The following PPP2R5C variants were observed in gnomAD, a reference collection of about 807,000 sequenced individuals.
The protein encoded by PPP2R5C is protein phosphatase 2 regulatory subunit B'gamma.
PPP2R5C carries 7 observed loss-of-function variants against 68.9 expected under a neutral mutation model. The ratio of observed to expected loss-of-function variants is 0.10; its 90% CI spans 0.06 to 0.19. The LOEUF is 0.19. Ranked by LOEUF, PPP2R5C falls within the 10% of genes least tolerant of loss-of-function variation. The pLI is 1.00. For synonymous variants in PPP2R5C, 210 were observed against 222.2 expected (o/e 0.95, Z 0.49); for missense variants, 348 against 641.3 (o/e 0.54, Z 4.94).
At chr14:101,787,436 G>A (rs996970138) in intron 3 of PPP2R5C, among the ~76,000 whole-genome samples, 2 of 151,962 alleles carry the variant, frequency 1.3e-5, no homozygotes, top group African/African-American at 4.8e-5. Flanking sequence ...GGATTTACGG[G>A]TGGATGAATT....
intron 8 of PPP2R5C, among the ~76,000 whole-genome samples, chr14:101,898,384 C>G (rs1171769114): frequency 5.3e-5 from 8 of 152,310 alleles, no homozygotes; most frequent in Admixed American, 1.3e-4. Context: ...GTCTGTCAGC[C>G]TGACCCTAAC....
At chr14:101,851,723 C>T (rs1489342821) in intron 1 of PPP2R5C, among the ~76,000 whole-genome samples, 2 of 152,138 alleles carry the variant, frequency 1.3e-5, no homozygotes, top group Non-Finnish European at 2.9e-5. Flanking sequence ...TGTCTTTCTG[C>T]AGCTGCCATG....
At chr14:101,884,918 A>G (rs540839035) in intron 5 of PPP2R5C, among the ~76,000 whole-genome samples, 5 of 152,384 alleles carry the variant, frequency 3.3e-5, no homozygotes, top group Admixed American at 1.3e-4. Flanking sequence ...GAATGTCAAT[A>G]GAGGAAACAG....
chr14:101,799,826 A>T (rs961009369), intron 3 of PPP2R5C, among the ~76,000 whole-genome samples: 1 of 152,030 alleles, frequency 6.6e-6, no homozygotes, highest in Non-Finnish European at 1.5e-5. Flanking sequence ...TATGTACCTG[A>T]TCTCATTTAT....
At chr14:101,865,004 A>G (rs904988559) in intron 2 of PPP2R5C, among the ~76,000 whole-genome samples, 12 of 152,178 alleles carry the variant, frequency 7.9e-5, no homozygotes, top group African/African-American at 2.9e-4. Flanking sequence ...GCAAATGCAG[A>G]GATGTTAAGA....
intron 2 of PPP2R5C, among the ~76,000 whole-genome samples, chr14:101,769,815 A>T (rs1414878727): frequency 6.6e-6 from 1 of 152,218 alleles, no homozygotes; most frequent in African/African-American, 2.4e-5. Flanking sequence ...TCAAAATAAG[A>T]TTTCCATTTA....
At chr14:101,914,654 C>G (rs1014178468) in intron 12 of PPP2R5C, 1 of 158,010 alleles carries the variant, frequency 6.3e-6, no homozygotes, top group African/African-American at 2.4e-5. Flanking sequence ...AAACGTGTGA[C>G]AGCACGTACC....
Position 101,762,052 on chromosome 14 carries a change from A to T in PPP2R5C, c.27+132A>T, listed in dbSNP as rs2036571996. On this transcript the variant is annotated intron_variant, in intron 1 of 14. Transcript: ENST00000328724. ...TGACGCCGCGGGCTTCGCGTCCCCG[A>T]GGGCGGCCGAGCCAGGCATCCCCGG... 6.3e-6 allele frequency: 6 copies of T among 953,876 alleles called. No individual in the cohort carries two copies. In the East Asian group the frequency reaches 3.6e-4, roughly 57 times the overall value. 59.1% of individuals were successfully genotyped at this position (953,876 alleles called of 1,614,324 possible).
chr14:101,764,285 C>T (rs552234608), intron 2 of PPP2R5C, among the ~76,000 whole-genome samples: 22 of 152,214 alleles, frequency 1.4e-4, no homozygotes, highest in Non-Finnish European at 2.6e-4. Flanking sequence ...CAGGCAGAGC[C>T]AGTAGGTCCT....
At chr14:101,878,248 A>G (rs73358821) in intron 2 of PPP2R5C, among the ~76,000 whole-genome samples, 18,752 of 152,206 alleles carry the variant, frequency 0.12, 1,838 homozygotes, top group African/African-American at 0.26. Context: ...ATCCAGCCAC[A>G]CCAGGGTTTA....
At chr14:101,911,488 C>G (rs2046388987) in intron 11 of PPP2R5C, among the ~76,000 whole-genome samples, 1 of 152,188 alleles carries the variant, frequency 6.6e-6, no homozygotes, top group Non-Finnish European at 1.5e-5. Flanking sequence ...AGGAAGCATG[C>G]AAGCAGCAGG....
Position 101,922,255 on chromosome 14 carries a change from G to A in PPP2R5C, c.1444-2886G>A, listed in dbSNP as rs371443579. On this transcript the variant is annotated intron_variant, in intron 13 of 13. Transcript: ENST00000334743. Reference sequence around the variant, plus strand: ...TGTAATCCCAGCACTTTGGGAGGCCGAGGCGGGCAGATCACCTGAGGTCAG... The same window carrying A: ...TGTAATCCCAGCACTTTGGGAGGCCAAGGCGGGCAGATCACCTGAGGTCAG... The A allele has an allele frequency of 2.5e-4, 229 of 907,664 alleles. 1 individual carries two copies. The highest frequency in any genetic ancestry group is 5.6e-4 in the Middle Eastern group (1 of 1,774). 56.2% of individuals were successfully genotyped at this position (907,664 alleles called of 1,614,324 possible). A position where few individuals can be genotyped will look rare whatever the true frequency, so the allele number is the denominator to read the frequency against.
At chr14:101,871,785 A>G (rs1012628581) in intron 2 of PPP2R5C, among the ~76,000 whole-genome samples, 5 of 151,756 alleles carry the variant, frequency 3.3e-5, no homozygotes, top group African/African-American at 1.2e-4. Flanking sequence ...ATATTGTTTG[A>G]TTTTAATTGT....
At chr14:101,799,860 T>C (rs2038784880) in intron 3 of PPP2R5C, among the ~76,000 whole-genome samples, 1 of 152,224 alleles carries the variant, frequency 6.6e-6, no homozygotes, top group Non-Finnish European at 1.5e-5. Context: ...GTTCAGACTT[T>C]CTTGGTTCTC....
At chr14:101,771,945 A>T (rs1469680393) in intron 2 of PPP2R5C, among the ~76,000 whole-genome samples, 2 of 152,154 alleles carry the variant, frequency 1.3e-5, no homozygotes, top group African/African-American at 4.8e-5. Context: ...AAAATTATGT[A>T]AATAATTCAG....
intron 1 of PPP2R5C, among the ~76,000 whole-genome samples, chr14:101,811,905 T>TTTG (rs1423830242): frequency 1.1e-4 from 17 of 152,110 alleles, no homozygotes; most frequent in African/African-American, 3.9e-4. Flanking sequence ...CCAGTTTGTA[T>TTTG]TTGTTGCTGT....
chr14:101,867,550 G>C (rs916721900), intron 2 of PPP2R5C, among the ~76,000 whole-genome samples: 1 of 152,238 alleles, frequency 6.6e-6, no homozygotes, highest in African/African-American at 2.4e-5. Flanking sequence ...AGCCGAGGCA[G>C]GTGGATCACC....
chr14:101,897,048 C>T (rs1172922418), intron 8 of PPP2R5C, among the ~76,000 whole-genome samples: 1 of 152,136 alleles, frequency 6.6e-6, no homozygotes, highest in Non-Finnish European at 1.5e-5. Flanking sequence ...TGCTACAGAG[C>T]CACGAGCTGG....
intron 1 of PPP2R5C, among the ~76,000 whole-genome samples, chr14:101,834,384 C>T (rs1388088125): frequency 6.6e-6 from 1 of 152,204 alleles, no homozygotes; most frequent in Non-Finnish European, 1.5e-5. Context: ...AACAAAAAGT[C>T]TTCTCAAAAA....
Sources: allele counts gnomAD v4.1 joint callset (sites outside exome capture counted in the v4.1 genomes callset), GRCh38; gene constraint gnomAD v4.1.1; transcripts MANE v1.5; gene names NCBI Gene and HGNC (gene_info 2026-07-23, HGNC 2026-07-21).